Variants in BIRC6 observed in about 807,000 individuals in gnomAD.
The protein encoded by BIRC6 is baculoviral IAP repeat containing 6.
BIRC6 carries 98 observed loss-of-function variants against 503.3 expected under a neutral mutation model. The observed-to-expected ratio is 0.19, with a 90% CI of 0.17 to 0.23. BIRC6 has a LOEUF of 0.23. BIRC6 is among the 10% of genes least tolerant of loss of function. The probability of loss-of-function intolerance (pLI) is 1.00; values close to 1 mark genes in which losing one functional copy is unlikely to be tolerated. For missense variants in BIRC6, 5,360 were observed against 5,806.0 expected (o/e 0.92, Z 2.50); for synonymous variants, 2,240 against 2,078.7 (o/e 1.08, Z -2.11).
chr2:32,451,529 T>C (rs1239439548), intron 22 of BIRC6, among the ~76,000 whole-genome samples: 2 of 152,200 alleles, frequency 1.3e-5, no homozygotes, highest in Non-Finnish European at 2.9e-5. Flanking sequence ...CCCTTGACGT[T>C]GCAGTAAAAA....
At chr2:32,428,614 C>T (rs1011824210) in intron 10 of BIRC6, among the ~76,000 whole-genome samples, 1 of 152,136 alleles carries the variant, frequency 6.6e-6, no homozygotes, top group African/African-American at 2.4e-5. Context: ...TATACTATTA[C>T]CCATTAATTT....
Position 32,464,603 on chromosome 2 carries a change from A to T in BIRC6, c.5036A>T (p.Asn1679Ile). The change falls in exon 25 of 74, where the codon AAC becomes ATC. Residue 1679 changes from asparagine to isoleucine, a missense_variant. Coordinates refer to ENST00000421745, the MANE Select transcript of BIRC6 (RefSeq NM_016252.4). ...CCTGTTCACAACTCTGTGCCTTCCA[A>T]CCCAGTGGCTGCCCCTGGATTCTTC... ...VGPVHNSVPS[N>I]PVAAPGFFIH... 1 of 1,613,640 alleles carries T rather than the reference A, an allele frequency of 6.2e-7. No individual in the cohort carries two copies. The highest frequency in any genetic ancestry group is 8.5e-7 in the Non-Finnish European group (1 of 1,179,664).
intron 61 of BIRC6, among the ~76,000 whole-genome samples, chr2:32,531,770 A>G (rs898156860): frequency 2.0e-5 from 3 of 152,232 alleles, no homozygotes; most frequent in African/African-American, 7.2e-5. Flanking sequence ...CACTTGCCAG[A>G]CTTACTACAC....
At position 32,545,880 on chromosome 2, in the gene BIRC6, T is replaced by C; in HGVS notation, c.12810+20T>C. 6.3e-7 allele frequency: 1 copy of C among 1,591,958 alleles called. No individual in the cohort carries two copies. The highest frequency in any genetic ancestry group is 2.2e-5 in the East Asian group (1 of 44,744). On this transcript the variant is annotated intron_variant, in intron 63 of 73. Transcript: ENST00000421745. ...ACTGAGGTAGGTTCACTTTTAATTATTTCAGTTATTAAAAAAACTAGATTT... is the reference window on the plus strand; with the variant it reads ...ACTGAGGTAGGTTCACTTTTAATTACTTCAGTTATTAAAAAAACTAGATTT...
intron 69 of BIRC6, among the ~76,000 whole-genome samples, chr2:32,598,172 C>G (rs986748050): frequency 5.8e-5 from 8 of 138,232 alleles, no homozygotes; most frequent in African/African-American, 2.1e-4. Flanking sequence ...CACTTTTGCC[C>G]AAGCTGGAGT....
intron 10 of BIRC6, among the ~76,000 whole-genome samples, chr2:32,427,086 A>G (rs61376890): frequency 0.041 from 6,297 of 151,756 alleles, 281 homozygotes; most frequent in African/African-American, 0.11. Context: ...TTATATATAT[A>G]TGTGTTATTT....
intron 45 of BIRC6, among the ~76,000 whole-genome samples, chr2:32,494,670 G>C (rs1412838773): frequency 1.3e-5 from 2 of 152,082 alleles, no homozygotes; most frequent in East Asian, 3.9e-4. Context: ...GGGAGGCTGA[G>C]GCGGGAAGAT....
chr2:32,464,235 A>C (rs1025857104), intron 24 of BIRC6, among the ~76,000 whole-genome samples: 1 of 152,210 alleles, frequency 6.6e-6, no homozygotes, highest in Non-Finnish European at 1.5e-5. Context: ...TTGAGCAGAT[A>C]TTCCTTATTT....
chr2:32,508,303 T>TTTTG, intron 51 of BIRC6, 44 bp downstream of exon 51: 3 of 1,274,462 alleles, frequency 2.4e-6, no homozygotes, highest in South Asian at 1.6e-5. Flanking sequence ...TTTTTTTTTT[T>TTTTG]GGCATGGTTG....
intron 65 of BIRC6, among the ~76,000 whole-genome samples, chr2:32,569,640 GTGATTTCAGGCA>G (rs1205633928): frequency 6.6e-6 from 1 of 151,456 alleles, no homozygotes; most frequent in East Asian, 1.9e-4. Flanking sequence ...CCAAAGTGCT[GTGATTTCAGGCA>G]TGAGCCACCA....
At chr2:32,548,480 A>G (rs573704753) in intron 64 of BIRC6, among the ~76,000 whole-genome samples, 64 of 146,672 alleles carry the variant, frequency 4.4e-4, no homozygotes, top group East Asian at 8.0e-4. Context: ...GGTTGCTTAC[A>G]TTTTTTAAAA....
intron 9 of BIRC6, among the ~76,000 whole-genome samples, chr2:32,409,895 C>T (rs764719589): frequency 1.3e-5 from 2 of 152,202 alleles, no homozygotes; most frequent in Non-Finnish European, 2.9e-5. Flanking sequence ...GGGCGTTTGT[C>T]AGTCATCAGT....
chr2:32,365,400 A>G (rs1478321295), intron 1 of BIRC6, among the ~76,000 whole-genome samples: 2 of 151,294 alleles, frequency 1.3e-5, no homozygotes, highest in Non-Finnish European at 2.9e-5. Flanking sequence ...GCTCACTGCA[A>G]CCTCCGCCTC....
intron 23 of BIRC6, among the ~76,000 whole-genome samples, chr2:32,456,319 TAATC>T (rs1430140416): frequency 6.6e-6 from 1 of 152,242 alleles, no homozygotes; most frequent in African/African-American, 2.4e-5. Flanking sequence ...ATTATGGCAT[TAATC>T]TATATCATTG....
chr2:32,551,430 A>G (rs2058413816), intron 65 of BIRC6, among the ~76,000 whole-genome samples: 1 of 152,036 alleles, frequency 6.6e-6, no homozygotes, highest in South Asian at 2.1e-4. Flanking sequence ...TTACAGACAT[A>G]CAGCAGCATG....
rs1340801968 is a variant in BIRC6, at chr2:32,500,610, T to TG, written c.9031+501_9031+502insG. 2.8e-5 allele frequency among the ~76,000 whole-genome samples: 4 copies of TG among 145,332 alleles called. No homozygotes were observed. The East Asian group carries it at 7.9e-4, about 29-fold the overall frequency. On this transcript the variant is annotated intron_variant, in intron 46 of 73. Transcript: ENST00000421745. ...TAGTTTTTTGTTTTTGTTTTTGTTTTTTTTTTTTTTTTTGAGATGAAGTCT... is the reference window on the plus strand; with the variant it reads ...TAGTTTTTTGTTTTTGTTTTTGTTTTGTTTTTTTTTTTTTGAGATGAAGTCT...
chr2:32,489,678 A>T (rs78923181), intron 42 of BIRC6, among the ~76,000 whole-genome samples: 1 of 152,070 alleles, frequency 6.6e-6, no homozygotes, highest in African/African-American at 2.4e-5. Context: ...CATGCCTATA[A>T]TACCAGTTTT....
At chr2:32,480,621 CTTTTTTTTTTTTTTTTTTTTTTTTTTTTT>C (rs560251664) in intron 37 of BIRC6, among the ~76,000 whole-genome samples, 1 of 60,724 alleles carries the variant, frequency 1.6e-5, no homozygotes, top group South Asian at 7.2e-4. Context: ...AGGTAAATGG[CTTTTTTTTTTTTTTTTTTTTTTTTTTTTT>C]TTTTTTTTGA....
At chr2:32,383,917 G>A (rs978775858) in intron 3 of BIRC6, among the ~76,000 whole-genome samples, 7 of 152,194 alleles carry the variant, frequency 4.6e-5, no homozygotes, top group Non-Finnish European at 1.0e-4. Flanking sequence ...AATCTCTTGG[G>A]TTCTGCATAA....
Sources: gnomAD v4.1 joint callset for allele counts (sites outside exome capture counted in the v4.1 genomes callset) on GRCh38, gnomAD v4.1.1 for gene constraint, MANE v1.5 for transcripts, NCBI Gene and HGNC (gene_info 2026-07-23, HGNC 2026-07-21) for gene names.